Variants in COG5 observed in about 807,000 individuals in gnomAD.
The protein encoded by COG5 is component of oligomeric golgi complex 5.
COG5 carries 86 observed loss-of-function variants against 110.4 expected under a neutral mutation model. The observed-to-expected ratio is 0.78, with a 90% CI of 0.65 to 0.93. The LOEUF (loss-of-function observed/expected upper bound fraction) is 0.93. Ranked by LOEUF, COG5 falls within the 40% of genes least tolerant of loss-of-function variation. The pLI is 0.00. For synonymous variants in COG5, 360 were observed against 334.6 expected, an observed-to-expected ratio of 1.08 and a Z score of -0.83; for missense variants, 1,077 against 987.0, an observed-to-expected ratio of 1.09 and a Z score of -1.22.
intron 12 of COG5, among the ~76,000 whole-genome samples, chr7:107,297,724 T>C (rs1227861838): frequency 1.3e-5 from 2 of 152,120 alleles, no homozygotes; most frequent in African/African-American, 4.8e-5. Flanking sequence ...ACTGAGAACC[T>C]ATCCCAGCAT....
At position 107,563,882 on chromosome 7, in the gene COG5, G is replaced by A. The variant is rs202123650; in HGVS notation, c.15C>T (p.Gly5=). ...CGAGGCCAGCTACAGCGACGCTGCC[G>A]CCGCCACCTTCCATGTTGGCAGGTG... MEGG[G]GSVAVAGLGA... is the part of the protein sequence containing the mutation. Residue 5 remains glycine, a synonymous_variant, in exon 1 of 22, where the codon GGC becomes GGT. Transcript: ENST00000297135. The A allele has an allele frequency of 2.2e-5, 36 of 1,613,738 alleles. No individual in the cohort carries two copies. Among genetic ancestry groups the A allele is most frequent in the Admixed American group, 6.7e-5 (4 of 60,028 alleles).
intron 1 of COG5, among the ~76,000 whole-genome samples, chr7:107,559,631 A>AAAAAGTAAAGG (rs1803618911): frequency 6.6e-6 from 1 of 152,038 alleles, no homozygotes; most frequent in Admixed American, 6.6e-5. Context: ...AAAGGCTCAT[A>AAAAAGTAAAGG]CTCTTGATTA....
intron 7 of COG5, among the ~76,000 whole-genome samples, chr7:107,392,653 T>C (rs1225642291): frequency 6.8e-6 from 1 of 146,504 alleles, no homozygotes; most frequent in Non-Finnish European, 1.5e-5. Context: ...CACTAATTCA[T>C]GAGGGAAAGA....
intron 6 of COG5, among the ~76,000 whole-genome samples, chr7:107,523,986 T>G (rs1800542276): frequency 6.6e-6 from 1 of 152,232 alleles, no homozygotes. Flanking sequence ...TGTACATGAA[T>G]GTTCATAGCA....
chr7:107,208,379 T>C, intron 21 of COG5: 5 of 985,416 alleles, frequency 5.1e-6, no homozygotes, highest in Non-Finnish European at 6.0e-6. Context: ...GAAAACAGAT[T>C]TGTGATGTAC....
intron 6 of COG5, among the ~76,000 whole-genome samples, chr7:107,500,313 G>T (rs1447286200): frequency 6.6e-6 from 1 of 152,182 alleles, no homozygotes; most frequent in Non-Finnish European, 1.5e-5. Flanking sequence ...AACTTGAGAA[G>T]TGAACAACTG....
At chr7:107,228,301 G>A (rs561165467) in intron 19 of COG5, among the ~76,000 whole-genome samples, 5 of 136,912 alleles carry the variant, frequency 3.7e-5, no homozygotes, top group South Asian at 2.4e-4. Flanking sequence ...AGTGACACCC[G>A]GTCTCAAAAA....
Position 107,230,464 on chromosome 7 carries a change from GATTTGAATACTTTCTA to G in COG5, c.2168+135_2168+150del. The G allele has an allele frequency of 7.0e-6, 5 of 716,276 alleles. No homozygotes were observed. The South Asian group carries it at 7.7e-5, about 11-fold the overall frequency. The allele number at this position is 716,276 out of a possible 1,614,324, so 44.4% of individuals were successfully genotyped here. ...TACATAAATATCTATATGGGTTTCT[GATTTGAATACTTTCTA>G]AGATGAATCATGAAATTGCCATTGT... On this transcript the variant is annotated intron_variant, in intron 19 of 21. Coordinates refer to ENST00000297135, the MANE Select transcript of COG5 (RefSeq NM_006348.5).
chr7:107,563,657 C>CA lies in COG5; in HGVS notation c.94+145dup, dbSNP rs919540971. ...TAAATAGGTTGGCTAGAACAGTACCCAAGCCAGGGGGCCGGGCGGAGGGGA... is the reference window on the plus strand; with the variant it reads ...TAAATAGGTTGGCTAGAACAGTACCCAAAGCCAGGGGGCCGGGCGGAGGGGA... On this transcript the variant is annotated intron_variant, in intron 1 of 21. Transcript: ENST00000297135. 42 of 887,876 alleles carry CA rather than the reference C, an allele frequency of 4.7e-5. No individual in the cohort carries two copies. The African/African-American group carries it at 6.1e-4, about 13-fold the overall frequency. 55.0% of individuals were successfully genotyped at this position (887,876 alleles called of 1,614,324 possible). A position where few individuals can be genotyped will look rare whatever the true frequency, so the allele number is the denominator to read the frequency against.
chr7:107,498,202 A>G (rs752844851), intron 6 of COG5, among the ~76,000 whole-genome samples: 4 of 152,126 alleles, frequency 2.6e-5, no homozygotes, highest in Non-Finnish European at 4.4e-5. Context: ...GTGAGGAAAA[A>G]CTCTGTACCA....
At chr7:107,444,360 TTA>T (rs765538376) in intron 6 of COG5, among the ~76,000 whole-genome samples, 1 of 152,234 alleles carries the variant, frequency 6.6e-6, no homozygotes, top group Non-Finnish European at 1.5e-5. Context: ...CAAGTCCATC[TTA>T]TCATCGCTCA....
At chr7:107,497,401 A>G (rs1798348274) in intron 6 of COG5, among the ~76,000 whole-genome samples, 1 of 152,220 alleles carries the variant, frequency 6.6e-6, no homozygotes. Flanking sequence ...ACAGAAATGC[A>G]TAAAGACCCC....
chr7:107,237,066 C>T (rs2116461368), intron 17 of COG5, among the ~76,000 whole-genome samples: 1 of 152,330 alleles, frequency 6.6e-6, no homozygotes, highest in African/African-American at 2.4e-5. Flanking sequence ...CTGAATGCAT[C>T]AATAATGGAT....
intron 7 of COG5, among the ~76,000 whole-genome samples, chr7:107,392,147 G>A (rs1790669040): frequency 6.6e-6 from 1 of 152,130 alleles, no homozygotes; most frequent in African/African-American, 2.4e-5. Flanking sequence ...CTTTCCTCCA[G>A]AGGTTTACCT....
chr7:107,369,822 C>T (rs1190604126), intron 8 of COG5, among the ~76,000 whole-genome samples: 2 of 152,116 alleles, frequency 1.3e-5, no homozygotes, highest in African/African-American at 2.4e-5. Flanking sequence ...GAATTTTATT[C>T]TCCTTGCATA....
chr7:107,234,941 T>A (rs1396137882), intron 18 of COG5, among the ~76,000 whole-genome samples: 2 of 152,092 alleles, frequency 1.3e-5, no homozygotes, highest in African/African-American at 4.8e-5. Flanking sequence ...TGCCTAAGAA[T>A]GAAGTTCATA....
At chr7:107,437,172 T>TA (rs1285267562) in intron 6 of COG5, among the ~76,000 whole-genome samples, 1 of 152,208 alleles carries the variant, frequency 6.6e-6, no homozygotes, top group African/African-American at 2.4e-5. Context: ...CCAAATCATT[T>TA]AAAAACCATG....
intron 14 of COG5, among the ~76,000 whole-genome samples, chr7:107,269,226 A>C (rs1213479437): frequency 6.6e-6 from 1 of 152,188 alleles, no homozygotes; most frequent in Non-Finnish European, 1.5e-5. Flanking sequence ...CTGTAATCCC[A>C]GCACTTTGGG....
intron 6 of COG5, among the ~76,000 whole-genome samples, chr7:107,514,990 C>T (rs1799814006): frequency 6.6e-6 from 1 of 152,152 alleles, no homozygotes; most frequent in African/African-American, 2.4e-5. Context: ...ACAGATCTTA[C>T]ACTTCTCAAA....
Sources: gnomAD v4.1 joint callset for allele counts (sites outside exome capture counted in the v4.1 genomes callset) on GRCh38, gnomAD v4.1.1 for gene constraint, MANE v1.5 for transcripts, NCBI Gene and HGNC (gene_info 2026-07-23, HGNC 2026-07-21) for gene names.